C6orf132: variants seen among roughly 807,000 people sequenced by gnomAD.
C6orf132 encodes uncharacterized protein C6orf132.
C6orf132 carries 43 observed loss-of-function variants against 65.3 expected under a neutral mutation model. The ratio of observed to expected loss-of-function variants is 0.66; its 90% CI spans 0.52 to 0.85. The LOEUF (loss-of-function observed/expected upper bound fraction) is 0.85, where lower values mean the gene tolerates loss of function less well. C6orf132 is among the 40% of genes least tolerant of loss of function. The pLI, the probability that C6orf132 is intolerant of heterozygous loss-of-function variation, is 0.00. For synonymous variants in C6orf132, 631 were observed against 654.1 expected (o/e 0.96, Z 0.54); for missense variants, 1,488 against 1,548.8 (o/e 0.96, Z 0.66).
Position 42,106,809 on chromosome 6 carries a change from G to A in C6orf132, c.1103C>T (p.Ala368Val), listed in dbSNP as rs1486499744. ...PEPDCPGELKATAPASPRLGQ... is the reference protein window; with the variant it reads ...PEPDCPGELKVTAPASPRLGQ... ...AAGCCTTGGGCTGGCTGGTGCTGTG[G>A]CCTTGAGCTCCCCAGGGCAGTCTGG... The change falls in exon 4 of 5, where the codon GCC becomes GTC. Residue 368 changes from alanine (A) to valine (V), a missense_variant. Coordinates refer to ENST00000341865, the MANE Select transcript of C6orf132 (RefSeq NM_001164446.3). The A allele has an allele frequency of 6.5e-7, 1 of 1,535,294 alleles. No individual in the cohort carries two copies. Among genetic ancestry groups the A allele is most frequent in the East Asian group, 2.4e-5 (1 of 40,844 alleles).
rs76660180 is a variant in C6orf132 at position 42,108,278 on chromosome 6, G to T, written c.329-695C>A. On this transcript the variant is annotated intron_variant, in intron 3 of 4. Coordinates refer to ENST00000341865, the MANE Select transcript of C6orf132 (RefSeq NM_001164446.3). ...CTCAGTTTCCTCATCTGTCAAAGGGGCATGATGTCAGTGCTCGCTTCTTAC... is the reference window on the plus strand; with the variant it reads ...CTCAGTTTCCTCATCTGTCAAAGGGTCATGATGTCAGTGCTCGCTTCTTAC... Among the ~76,000 whole-genome samples the T allele has an allele frequency of 4.3e-3, 650 of 152,290 alleles. 2 individuals carry two copies. Among genetic ancestry groups the T allele is most frequent in the South Asian group, 7.7e-3 (37 of 4,818 alleles).
chr6:42,106,723 G>A lies in C6orf132; in HGVS notation c.1189C>T (p.Pro397Ser), dbSNP rs1331855253. The A allele has an allele frequency of 1.6e-5, 9 of 559,396 alleles. No individual in the cohort carries two copies. Among genetic ancestry groups the A allele is most frequent in the Non-Finnish European group, 2.4e-5 (8 of 338,174 alleles). 34.7% of individuals were successfully genotyped at this position (559,396 alleles called of 1,614,324 possible). The change falls in exon 4 of 5, where the codon CCC (proline) becomes TCC (serine). Residue 397 changes from proline (P) to serine (S), a missense_variant. By Grantham distance (74) the Pro-to-Ser change is moderately conservative (BLOSUM62 -1). Coordinates refer to ENST00000341865, the MANE Select transcript of C6orf132 (RefSeq NM_001164446.3). ...AGTPPPAPPL[P>S]PPAPPLPPPA... ...GGAGGGAGGGGGGGTGCAGGAGGGG[G>A]CAGGGGAGGGGCTGGAGGCGGAGTC...
chr6:42,109,729 C>T (rs547125016), intron 3 of C6orf132, among the ~76,000 whole-genome samples: 6 of 152,192 alleles, frequency 3.9e-5, no homozygotes, highest in African/African-American at 9.6e-5. Context: ...CTGAGTGACA[C>T]GGGAAGCCAT....
At chr6:42,113,511 TCTTCA>T (rs1430195245) in intron 2 of C6orf132, among the ~76,000 whole-genome samples, 1 of 152,242 alleles carries the variant, frequency 6.6e-6, no homozygotes, top group Admixed American at 6.5e-5. Flanking sequence ...AGACCCATTT[TCTTCA>T]CTTAGAAAAC....
chr6:42,105,163 C>A lies in C6orf132; in HGVS notation c.2749G>T (p.Gly917Trp). The A allele has an allele frequency of 4.6e-6, 7 of 1,537,100 alleles. No homozygotes were observed. Among genetic ancestry groups the A allele is most frequent in the Non-Finnish European group, 6.1e-6 (7 of 1,146,828 alleles). Reference sequence around the variant, plus strand: ...TCTGCGTCTCTTCCCAGCCGCGGCCCCCACTTATTGGGTATTTCGGTCGTC... The same window carrying A: ...TCTGCGTCTCTTCCCAGCCGCGGCCACCACTTATTGGGTATTTCGGTCGTC... ...PLTTEIPNKW[G>W]PRLGRDAEGT... Residue 917 changes from glycine to tryptophan, a missense_variant, in exon 4 of 5, where the codon GGG (glycine) becomes TGG (tryptophan). By Grantham distance (184) the Gly-to-Trp change is radical. Transcript: ENST00000341865.
rs1340698647 is a variant in C6orf132 at position 42,103,797 on chromosome 6, A to G, written c.3531T>C (p.Tyr1177=). Residue 1177 remains tyrosine, a synonymous_variant, in exon 5 of 5, where the codon TAT becomes TAC. Transcript: ENST00000341865. ...CTTTCCGATGGGCCCCTGAGCAGAC[A>G]TAGGAGATGGGATGGCGGGTCCCAG... is the stretch of plus-strand genomic sequence containing the variant. ...VRPGTRHPIS[Y]VCSGAHRKAT... 6.7e-7 allele frequency: 1 copy of G among 1,487,036 alleles called. No homozygotes were observed. The highest frequency in any genetic ancestry group is 8.9e-7 in the Non-Finnish European group (1 of 1,121,178). The allele number at this position is 1,487,036 out of a possible 1,614,324, so 92.1% of individuals were successfully genotyped here. A position where few individuals can be genotyped will look rare whatever the true frequency, so the allele number is the denominator to read the frequency against.
intron 2 of C6orf132, chr6:42,126,861 A>AAAG (rs1468352870): frequency 2.2e-6 from 1 of 455,962 alleles, no homozygotes. Context: ...AAAAAAAAAA[A>AAAG]AGAATATTTC....
intron 2 of C6orf132, among the ~76,000 whole-genome samples, chr6:42,125,897 A>G (rs1304281789): frequency 6.6e-6 from 1 of 152,124 alleles, no homozygotes; most frequent in Non-Finnish European, 1.5e-5. Flanking sequence ...TGAGGGGCCC[A>G]TAGCAGATAG....
intron 2 of C6orf132, among the ~76,000 whole-genome samples, chr6:42,127,927 C>CTT (rs70987570): frequency 7.0e-6 from 1 of 142,794 alleles, no homozygotes; most frequent in Non-Finnish European, 1.5e-5. Context: ...CAATGACACT[C>CTT]TTTTTTTTTT....
chr6:42,141,942 G>T (rs1244524096), intron 1 of C6orf132, among the ~76,000 whole-genome samples: 1 of 152,024 alleles, frequency 6.6e-6, no homozygotes, highest in East Asian at 1.9e-4. Flanking sequence ...GGGGGTCGGG[G>T]GAGATATCGC....
intron 1 of C6orf132, among the ~76,000 whole-genome samples, chr6:42,129,065 C>G (rs1466357147): frequency 2.0e-5 from 3 of 152,370 alleles, no homozygotes; most frequent in East Asian, 3.9e-4. Context: ...CCGTCCTGAG[C>G]CTTCTCTCCC....
In C6orf132 at chr6:42,104,420, C is replaced by A; in HGVS notation, c.3449+43G>T. The A allele has an allele frequency of 1.6e-6, 2 of 1,229,118 alleles. No homozygotes were observed. The highest frequency in any genetic ancestry group is 1.0e-6 in the Non-Finnish European group (1 of 986,458). The allele number at this position is 1,229,118 out of a possible 1,614,324, so 76.1% of individuals were successfully genotyped here. A position where few individuals can be genotyped will look rare whatever the true frequency, so the allele number is the denominator to read the frequency against. ...GACTCCTTGGCCCTCGCCTGGCTTT[C>A]CACCCCTCCTGGCTTCCCGCACCAG... is the stretch of plus-strand genomic sequence containing the variant. On this transcript the variant is annotated intron_variant, in intron 4 of 4. Coordinates refer to ENST00000341865, the MANE Select transcript of C6orf132 (RefSeq NM_001164446.3). The surrounding 1 kb of genome is among the most constrained non-coding windows in gnomAD (Gnocchi z 4.1).
intron 2 of C6orf132, among the ~76,000 whole-genome samples, chr6:42,123,433 G>GAGAAGGAGA (rs1207774413): frequency 7.0e-5 from 5 of 71,208 alleles, no homozygotes; most frequent in East Asian, 2.1e-4. Flanking sequence ...AAAGGAGAAG[G>GAGAAGGAGA]AGAAGGAGAA....
intron 1 of C6orf132, among the ~76,000 whole-genome samples, chr6:42,134,877 A>G (rs1165177301): frequency 2.0e-5 from 3 of 150,472 alleles, no homozygotes; most frequent in Non-Finnish European, 4.4e-5. Flanking sequence ...CTGTAATCCC[A>G]GCTACTCAGG....
In C6orf132 at chr6:42,103,053, C is replaced by CTA; in HGVS notation, c.*706_*707dup. On this transcript the variant is annotated 3_prime_UTR_variant, in exon 5 of 5. Transcript: ENST00000341865. ...GTCCTCTCTCTAGGCCTCCCTGTAG[C>CTA]TAAGGGCTAGGGCCAAGGAAAAATG... 2.5e-6 allele frequency: 1 copy of CTA among 398,738 alleles called. No homozygotes were observed. The highest frequency in any genetic ancestry group is 4.4e-6 in the Non-Finnish European group (1 of 226,136). 24.7% of individuals were successfully genotyped at this position (398,738 alleles called of 1,614,324 possible). A position where few individuals can be genotyped will look rare whatever the true frequency, so the allele number is the denominator to read the frequency against.
intron 2 of C6orf132, among the ~76,000 whole-genome samples, chr6:42,111,636 G>C (rs1434637479): frequency 1.3e-5 from 2 of 152,056 alleles, no homozygotes; most frequent in Admixed American, 1.3e-4. Flanking sequence ...TGTCTCCCAG[G>C]CTGGTCTTGA....
intron 2 of C6orf132, among the ~76,000 whole-genome samples, chr6:42,118,967 G>A (rs1472310596): frequency 7.3e-6 from 1 of 136,884 alleles, no homozygotes; most frequent in East Asian, 2.1e-4. Context: ...TCAAATTCCT[G>A]AGCTCCTGTA....
In C6orf132 at chr6:42,128,675, C is replaced by T. The variant is rs768243605; in HGVS notation, c.249G>A (p.Pro83=). 31 of 1,550,550 alleles carry T rather than the reference C, an allele frequency of 2.0e-5. No homozygotes were observed. The highest frequency in any genetic ancestry group is 1.8e-4 in the Middle Eastern group (1 of 5,698). Residue 83 remains proline (P), a synonymous_variant, in exon 2 of 5, where the codon CCG becomes CCA. Transcript: ENST00000341865. The part of the protein sequence containing the change: ...PRVRPLLTFL[P]LNAQENHGLA... Reference sequence around the variant, plus strand: ...CTCAGAGCAGAACCGTACTCACCAGCGGAAGGAAGGTCAGCAGGGGCCGGA... The same window carrying T: ...CTCAGAGCAGAACCGTACTCACCAGTGGAAGGAAGGTCAGCAGGGGCCGGA...
In C6orf132 at chr6:42,106,222, G is replaced by A. The variant is rs1274501399; in HGVS notation, c.1690C>T (p.Arg564Trp). Residue 564 changes from arginine (R) to tryptophan (W), a missense_variant, in exon 4 of 5, where the codon CGG (arginine) becomes TGG (tryptophan). Transcript: ENST00000341865. ...GCCTCCAGCTCATTCCGGATCTGCC[G>A]CACACTGGGAGTTGGAGAGTCTTGG... ...IPQDSPTPSV[R>W]QIRNELEARL... 12 of 1,537,074 alleles carry A rather than the reference G, an allele frequency of 7.8e-6. No individual in the cohort carries two copies. Among genetic ancestry groups the A allele is most frequent in the African/African-American group, 2.7e-5 (2 of 73,044 alleles).
Sources: gnomAD v4.1 joint callset for allele counts (sites outside exome capture counted in the v4.1 genomes callset) on GRCh38, gnomAD v4.1.1 for gene constraint, Gnocchi (gnomAD v3.1) non-coding constraint, MANE v1.5 for transcripts, NCBI Gene and HGNC (gene_info 2026-07-23, HGNC 2026-07-21) for gene names.